Variants in TGFBR3 observed in about 807,000 individuals in gnomAD.
TGFBR3 encodes transforming growth factor beta receptor type 3.
TGFBR3 carries 46 observed loss-of-function variants against 87.9 expected under a neutral mutation model. That is an observed-to-expected ratio of 0.52 (90% CI 0.41 to 0.67). The LOEUF (loss-of-function observed/expected upper bound fraction) is 0.67, where lower values mean the gene tolerates loss of function less well. Ranked by LOEUF, TGFBR3 falls within the 30% of genes least tolerant of loss-of-function variation. TGFBR3 has a pLI of 0.00. For synonymous variants in TGFBR3, 381 were observed against 391.6 expected, an observed-to-expected ratio of 0.97 and a Z score of 0.32; for missense variants, 866 against 1,041.9, an observed-to-expected ratio of 0.83 and a Z score of 2.32.
In TGFBR3 at chr1:91,810,248, G is replaced by A. The variant is rs1260145564; in HGVS notation, c.62-12777C>T. Among the ~76,000 whole-genome samples the A allele has an allele frequency of 4.6e-5, 7 of 152,124 alleles. No homozygotes were observed. The South Asian group carries it at 6.2e-4, about 14-fold the overall frequency. The stretch of plus-strand genomic sequence containing the variant: ...CATGTCTTATATTTTTTGTAGAGAC[G>A]GGGTTTTGTCATGTTGCCCAGGCTG... On this transcript the variant is annotated intron_variant, in intron 2 of 16. Transcript: ENST00000212355.
rs1674215095 is a variant in TGFBR3, at chr1:91,767,188, AAAAC to A, written c.247-8442_247-8439del. Among the ~76,000 whole-genome samples, 2 of 134,136 alleles carry A rather than the reference AAAAC, an allele frequency of 1.5e-5. 1 individual carries two copies. Among genetic ancestry groups the A allele is most frequent in the East Asian group, 3.9e-4 (2 of 5,102 alleles). 88.0% of individuals were successfully genotyped at this position (134,136 alleles called of 152,430 possible). Reference sequence around the variant, plus strand: ...TAAAGTTAGTTAATTTGTAATAGCAAAAACAAACAAACAAAACCCCACAAAATGC... The same window carrying A: ...TAAAGTTAGTTAATTTGTAATAGCAAAAACAAACAAAACCCCACAAAATGC... On this transcript the variant is annotated intron_variant, in intron 3 of 16. Coordinates refer to ENST00000212355, the MANE Select transcript of TGFBR3 (RefSeq NM_003243.5).
At chr1:91,881,243 T>C (rs2101288000) in intron 1 of TGFBR3, among the ~76,000 whole-genome samples, 1 of 152,326 alleles carries the variant, frequency 6.6e-6, no homozygotes, top group Admixed American at 6.5e-5. Context: ...ATCACCTTCT[T>C]AAAACTCAAA....
intron 3 of TGFBR3, chr1:91,766,243 T>C (rs1298513014): frequency 1.3e-5 from 2 of 148,852 alleles, no homozygotes; most frequent in African/African-American, 2.5e-5. Context: ...TGCTATGTTG[T>C]CCAAGCTGAT....
chr1:91,897,875 T>G (rs1679583908), intron 2 of TGFBR3, among the ~76,000 whole-genome samples: 1 of 152,054 alleles, frequency 6.6e-6, no homozygotes, highest in Admixed American at 6.6e-5. Context: ...TGACAAATTT[T>G]TTGTCTTTCC....
intron 3 of TGFBR3, among the ~76,000 whole-genome samples, chr1:91,783,003 A>G (rs1674831056): frequency 6.6e-6 from 1 of 152,220 alleles, no homozygotes; most frequent in Admixed American, 6.5e-5. Context: ...CAAATTCAAA[A>G]TGGATCAGAT....
intron 3 of TGFBR3, 58 bp from the exon 4 acceptor site, chr1:91,758,808 T>A (rs1445712110): frequency 2.5e-6 from 4 of 1,609,832 alleles, no homozygotes; most frequent in Non-Finnish European, 3.4e-6. Context: ...TGAAAATCAC[T>A]CAGAGCAGCC....
intron 4 of TGFBR3, among the ~76,000 whole-genome samples, chr1:91,751,009 C>T (rs1050371565): frequency 6.6e-6 from 1 of 152,242 alleles, no homozygotes; most frequent in African/African-American, 2.4e-5. Context: ...CAATGGGAAG[C>T]TCCCTGACGA....
At chr1:91,742,645 T>C (rs1043185337) in intron 4 of TGFBR3, among the ~76,000 whole-genome samples, 1 of 152,222 alleles carries the variant, frequency 6.6e-6, no homozygotes, top group Non-Finnish European at 1.5e-5. Flanking sequence ...TTCCCTGACA[T>C]GACAAATGTC....
intron 1 of TGFBR3, among the ~76,000 whole-genome samples, chr1:91,870,209 C>T (rs890027869): frequency 3.3e-5 from 5 of 152,164 alleles, no homozygotes; most frequent in Non-Finnish European, 5.9e-5. Flanking sequence ...TTATGCTATT[C>T]CTCAAAGTCC....
Position 91,681,050 on chromosome 1 carries a change from G to C in TGFBR3, c.*2689C>G, listed in dbSNP as rs949256749. 6.6e-6 allele frequency: 3 copies of C among 453,986 alleles called. No individual in the cohort carries two copies. Among genetic ancestry groups the C allele is most frequent in the Non-Finnish European group, 1.3e-5 (3 of 226,758 alleles). The allele number at this position is 453,986 out of a possible 1,614,324, so 28.1% of individuals were successfully genotyped here. On this transcript the variant is annotated 3_prime_UTR_variant, in exon 17 of 17. Coordinates refer to ENST00000212355, the MANE Select transcript of TGFBR3 (RefSeq NM_003243.5). ...TCAGCATCAAACAAACAACAAAATG[G>C]CCTCTGCAAATTAAGGGTGTAGCCT...
At chr1:91,827,171 C>A (rs1676674185) in intron 2 of TGFBR3, among the ~76,000 whole-genome samples, 1 of 152,024 alleles carries the variant, frequency 6.6e-6, no homozygotes, top group African/African-American at 2.4e-5. Context: ...GTGGGGACGC[C>A]GTAGGTGTGA....
intron 14 of TGFBR3, among the ~76,000 whole-genome samples, chr1:91,705,568 G>A (rs192380670): frequency 6.6e-6 from 1 of 152,256 alleles, no homozygotes; most frequent in East Asian, 1.9e-4. Context: ...TTCACCTTGA[G>A]GCAGAAAGCA....
chr1:91,685,748 A>G (rs183826645), intron 16 of TGFBR3, among the ~76,000 whole-genome samples: 1 of 152,322 alleles, frequency 6.6e-6, no homozygotes, highest in Admixed American at 6.5e-5. Flanking sequence ...ACTTTCTGCC[A>G]AAAATTCACT....
intron 2 of TGFBR3, among the ~76,000 whole-genome samples, chr1:91,846,265 C>T (rs1016050553): frequency 6.6e-6 from 1 of 152,216 alleles, no homozygotes; most frequent in Non-Finnish European, 1.5e-5. Flanking sequence ...ATGGGCTTTG[C>T]AAATAATCTA....
Position 91,716,300 on chromosome 1 carries a change from T to C in TGFBR3, c.1802A>G (p.Asp601Gly). Residue 601 changes from aspartate (D) to glycine (G), a missense_variant, in exon 12 of 17, where the codon GAC (aspartate) becomes GGC (glycine). Coordinates refer to ENST00000212355, the MANE Select transcript of TGFBR3 (RefSeq NM_003243.5). The part of the protein sequence containing the change: ...ITFNMELYNT[D>G]LFLVPSQGVF... ...GCCCTGGGAGGGCACCAAAAAGAGG[T>C]CAGTGTTGTATAGCTCCATGTTGAA... The C allele has an allele frequency of 6.2e-7, 1 of 1,614,064 alleles. No homozygotes were observed. The highest frequency in any genetic ancestry group is 8.5e-7 in the Non-Finnish European group (1 of 1,180,016).
chr1:91,695,510 T>C, intron 16 of TGFBR3, 162 bp downstream of exon 16: 1 of 701,274 alleles, frequency 1.4e-6, no homozygotes, highest in Non-Finnish European at 2.6e-6. Context: ...TATGGCAAAT[T>C]ATACTTTTGT....
rs777954361 is a variant in TGFBR3 at position 91,695,747 on chromosome 1, T to A, written c.2362A>T (p.Met788Leu). 8 of 1,614,030 alleles carry A rather than the reference T, an allele frequency of 5.0e-6. No homozygotes were observed. The change falls in exon 16 of 17, where the codon ATG becomes TTG. Residue 788 changes from methionine to leucine, a missense_variant. Coordinates refer to ENST00000212355, the MANE Select transcript of TGFBR3 (RefSeq NM_003243.5). ...ACAAAGGCTGCAAACGCAATGCCCA[T>A]CACGGTTAGGGTGTCCAGACCATGG... ...IFHGLDTLTVMGIAFAAFVIG... is the reference protein window; with the variant it reads ...IFHGLDTLTVLGIAFAAFVIG...
intron 1 of TGFBR3, among the ~76,000 whole-genome samples, chr1:91,866,400 G>A (rs749959759): frequency 4.6e-5 from 7 of 152,102 alleles, no homozygotes; most frequent in African/African-American, 9.7e-5. Context: ...CCTAGATTTG[G>A]ATAAGAAATC....
chr1:91,883,741 G>A lies in TGFBR3; in HGVS notation c.-114+2137C>T, dbSNP rs549319308. On this transcript the variant is annotated intron_variant, in intron 1 of 16. Transcript: ENST00000212355. ...GTAACGGTCAGATTCCATCAAAACA[G>A]GAAAAATTAAAGTTGACAAATGTCA... Among the ~76,000 whole-genome samples, 5 of 151,242 alleles carry A rather than the reference G, an allele frequency of 3.3e-5. No individual in the cohort carries two copies. In the East Asian group the frequency reaches 5.8e-4, roughly 18 times the overall value.
Sources: allele counts gnomAD v4.1 joint callset (sites outside exome capture counted in the v4.1 genomes callset), GRCh38; gene constraint gnomAD v4.1.1; transcripts MANE v1.5; gene names NCBI Gene and HGNC (gene_info 2026-07-23, HGNC 2026-07-21).